Variants in RORA observed in about 807,000 individuals in gnomAD.
The protein encoded by RORA is RAR related orphan receptor A, also known as nuclear receptor ROR-alpha.
A neutral mutation model predicts 69.5 loss-of-function variants in RORA; 7 were observed. The ratio of observed to expected loss-of-function variants is 0.10; its 90% CI spans 0.06 to 0.19. The LOEUF (loss-of-function observed/expected upper bound fraction) is 0.19, where lower values mean the gene tolerates loss of function less well. Ranked by LOEUF, RORA falls within the 10% of genes least tolerant of loss-of-function variation. RORA has a pLI of 1.00. For missense variants in RORA, 457 were observed against 663.0 expected (o/e 0.69, Z 3.41); for synonymous variants, 261 against 240.8 (o/e 1.08, Z -0.78).
chr15:60,778,697 C>G (rs2072209632), intron 1 of RORA, among the ~76,000 whole-genome samples: 1 of 152,074 alleles, frequency 6.6e-6, no homozygotes, highest in Non-Finnish European at 1.5e-5. Flanking sequence ...CACCCTTACC[C>G]CTTCCCAGTT....
chr15:60,533,101 A>G (rs1397028816), intron 2 of RORA, among the ~76,000 whole-genome samples: 1 of 152,236 alleles, frequency 6.6e-6, no homozygotes, highest in African/African-American at 2.4e-5. Context: ...TTCGATACTT[A>G]GAGCACACAT....
chr15:60,567,233 A>C (rs915271641), intron 2 of RORA, among the ~76,000 whole-genome samples: 3 of 151,180 alleles, frequency 2.0e-5, no homozygotes, highest in African/African-American at 7.3e-5. Flanking sequence ...CAGTTATTCC[A>C]AACGGCGACA....
At chr15:60,592,633 G>C (rs1567111807) in intron 2 of RORA, 4 of 587,804 alleles carry the variant, frequency 6.8e-6, no homozygotes, top group Non-Finnish European at 8.0e-6. Context: ...CTCCCGGGGC[G>C]GGAGGCGGGA....
chr15:61,032,198 T>A (rs1896206817), intron 1 of RORA, among the ~76,000 whole-genome samples: 1 of 152,224 alleles, frequency 6.6e-6, no homozygotes, highest in Non-Finnish European at 1.5e-5. Flanking sequence ...CCCTTCCAAG[T>A]AGCTTACATC....
At chr15:60,611,589 A>AAAAAAAAAAT (rs2069091475) in intron 2 of RORA, among the ~76,000 whole-genome samples, 1 of 146,392 alleles carries the variant, frequency 6.8e-6, no homozygotes. Context: ...AAAAAAAAAA[A>AAAAAAAAAAT]GGTGGAGTCT....
intron 1 of RORA, among the ~76,000 whole-genome samples, chr15:61,199,481 A>G (rs1242572685): frequency 6.6e-6 from 1 of 152,180 alleles, no homozygotes; most frequent in Non-Finnish European, 1.5e-5. Context: ...CAAGCAGGGA[A>G]AGAAAGAAAA....
intron 1 of RORA, among the ~76,000 whole-genome samples, chr15:60,973,025 A>T (rs1400918888): frequency 6.6e-6 from 1 of 151,676 alleles, no homozygotes; most frequent in Non-Finnish European, 1.5e-5. Context: ...ATGAGGGGCA[A>T]CTTTGCTAAG....
intron 2 of RORA, among the ~76,000 whole-genome samples, chr15:60,672,122 C>A (rs935777447): frequency 1.3e-5 from 2 of 152,122 alleles, no homozygotes; most frequent in African/African-American, 2.4e-5. Flanking sequence ...GTACAGTTTC[C>A]AGTAGACTAC....
chr15:61,062,191 C>G (rs576594054), intron 1 of RORA, among the ~76,000 whole-genome samples: 43 of 152,348 alleles, frequency 2.8e-4, no homozygotes, highest in Admixed American at 4.6e-4. Context: ...AATGTGGACA[C>G]AGGCCTTGTC....
chr15:61,048,086 G>A (rs1040036999), intron 1 of RORA, among the ~76,000 whole-genome samples: 7 of 152,174 alleles, frequency 4.6e-5, no homozygotes, highest in African/African-American at 1.2e-4. Flanking sequence ...GTGTAACCTG[G>A]GTGTTCAAAA....
intron 1 of RORA, among the ~76,000 whole-genome samples, chr15:61,123,526 T>C (rs920507446): frequency 2.6e-5 from 4 of 152,176 alleles, no homozygotes; most frequent in Admixed American, 6.5e-5. Context: ...ATTCTTCATA[T>C]AAAACTATCT....
intron 1 of RORA, among the ~76,000 whole-genome samples, chr15:61,132,924 C>G (rs1383314799): frequency 6.6e-6 from 1 of 152,134 alleles, no homozygotes; most frequent in Non-Finnish European, 1.5e-5. Flanking sequence ...CTATATATCT[C>G]TTTGTATCAA....
chr15:60,632,766 A>G (rs889180239), intron 2 of RORA, among the ~76,000 whole-genome samples: 12 of 152,090 alleles, frequency 7.9e-5, no homozygotes, highest in African/African-American at 2.4e-4. Flanking sequence ...TGCTACTTTG[A>G]GCTAAAAATG....
intron 1 of RORA, among the ~76,000 whole-genome samples, chr15:60,978,818 T>C (rs943246258): frequency 6.6e-6 from 1 of 152,194 alleles, no homozygotes; most frequent in Non-Finnish European, 1.5e-5. Flanking sequence ...CAATTGACCA[T>C]ACATGTATGT....
At chr15:60,602,465 T>C (rs930878726) in intron 2 of RORA, among the ~76,000 whole-genome samples, 2 of 152,234 alleles carry the variant, frequency 1.3e-5, no homozygotes, top group Admixed American at 1.3e-4. Context: ...TGGAATCATA[T>C]TATGATTTGC....
chr15:61,124,025 G>A (rs568221468), intron 1 of RORA, among the ~76,000 whole-genome samples: 5 of 152,244 alleles, frequency 3.3e-5, no homozygotes, highest in South Asian at 2.1e-4. Flanking sequence ...ACATACATGC[G>A]AACAGCCACT....
chr15:60,507,051 G>A (rs920283697), intron 5 of RORA, among the ~76,000 whole-genome samples: 2 of 151,934 alleles, frequency 1.3e-5, no homozygotes, highest in Admixed American at 6.6e-5. Context: ...TGGTGTATTG[G>A]AGCACAGAGA....
intron 2 of RORA, among the ~76,000 whole-genome samples, chr15:60,624,601 A>T (rs1187170421): frequency 6.6e-6 from 1 of 150,556 alleles, no homozygotes; most frequent in African/African-American, 2.4e-5. Context: ...ACACAAACAC[A>T]CACAATTATT....
At chr15:60,838,158 C>G (rs1029908655) in intron 1 of RORA, among the ~76,000 whole-genome samples, 6 of 152,092 alleles carry the variant, frequency 3.9e-5, no homozygotes, top group African/African-American at 9.7e-5. Flanking sequence ...TTCCCTACCC[C>G]CTTAGACCTC....
Sources: allele counts gnomAD v4.1 joint callset (sites outside exome capture counted in the v4.1 genomes callset), GRCh38; gene constraint gnomAD v4.1.1; transcripts MANE v1.5; gene names NCBI Gene and HGNC (gene_info 2026-07-23, HGNC 2026-07-21).